LINGO2: variants seen among roughly 807,000 people sequenced by gnomAD.
LINGO2 encodes leucine-rich repeat and immunoglobulin-like domain-containing nogo receptor-interacting protein 2.
Under a neutral mutation model 30.6 loss-of-function variants are expected in LINGO2, and 14 were observed. That is an observed-to-expected ratio of 0.46 (90% CI 0.30 to 0.72). The LOEUF (loss-of-function observed/expected upper bound fraction) is 0.72, where lower values mean the gene tolerates loss of function less well. Ranked by LOEUF, LINGO2 falls within the 30% of genes least tolerant of loss-of-function variation. The pLI is 0.07. For missense variants in LINGO2, 729 were observed against 751.7 expected, an observed-to-expected ratio of 0.97 and a Z score of 0.35; for synonymous variants, 317 against 288.5, an observed-to-expected ratio of 1.10 and a Z score of -1.00.
the LINGO2 span, among the ~76,000 whole-genome samples, chr9:29,021,681 A>AAAGGAAGGAAGGAAGGAAGGAAGG: frequency 1.4e-4 from 13 of 93,642 alleles, no homozygotes; most frequent in African/African-American, 2.7e-4. Flanking sequence ...GAAAGAAAAG[A>AAAGGAAGGAAGGAAGGAAGGAAGG]AAGGAAGGAA....
intron 4 of LINGO2, among the ~76,000 whole-genome samples, chr9:28,067,247 C>A (rs954635859): frequency 3.3e-5 from 5 of 151,954 alleles, no homozygotes; most frequent in Non-Finnish European, 7.4e-5. Context: ...TAAGAAGACA[C>A]CCATTAACAA....
intron 4 of LINGO2, chr9:28,149,324 G>A: frequency 1.8e-6 from 1 of 541,670 alleles, no homozygotes; most frequent in East Asian, 3.2e-5. Flanking sequence ...CATCTGGGAA[G>A]TGAGGAGCGC....
intron 4 of LINGO2, among the ~76,000 whole-genome samples, chr9:28,074,571 A>G (rs1215062668): frequency 6.6e-6 from 1 of 152,160 alleles, no homozygotes; most frequent in East Asian, 1.9e-4. Context: ...CATATACCAG[A>G]GGAAGTACAT....
chr9:28,318,898 T>C (rs573748930), intron 3 of LINGO2, among the ~76,000 whole-genome samples: 1 of 152,310 alleles, frequency 6.6e-6, no homozygotes, highest in Admixed American at 6.5e-5. Context: ...ATAATCTTTA[T>C]TGTTTCCCAC....
At chr9:28,573,160 G>T (rs1238965299) in intron 1 of LINGO2, among the ~76,000 whole-genome samples, 1 of 152,096 alleles carries the variant, frequency 6.6e-6, no homozygotes, top group African/African-American at 2.4e-5. Flanking sequence ...AAAGCTGAAG[G>T]CAATCTTGAA....
chr9:28,004,181 G>A (rs868786371), intron 5 of LINGO2, among the ~76,000 whole-genome samples: 12 of 152,224 alleles, frequency 7.9e-5, no homozygotes, highest in Middle Eastern at 3.4e-3. Flanking sequence ...TAAAAATGAA[G>A]TATCGACCTA....
intron 3 of LINGO2, among the ~76,000 whole-genome samples, chr9:28,328,945 C>A (rs1211477480): frequency 1.3e-5 from 2 of 151,982 alleles, no homozygotes; most frequent in Non-Finnish European, 2.9e-5. Flanking sequence ...TGCCATTTGA[C>A]AAAAAAATAA....
chr9:28,910,946 T>A, the LINGO2 span, among the ~76,000 whole-genome samples: 1 of 152,074 alleles, frequency 6.6e-6, no homozygotes, highest in African/African-American at 2.4e-5. Context: ...TCAGATTATA[T>A]GAATATGGTT....
chr9:28,064,489 C>A (rs1825252667), intron 4 of LINGO2, among the ~76,000 whole-genome samples: 1 of 152,130 alleles, frequency 6.6e-6, no homozygotes, highest in African/African-American at 2.4e-5. Flanking sequence ...AGAGGCAACA[C>A]TGGTGGTGAG....
the LINGO2 span, among the ~76,000 whole-genome samples, chr9:28,808,704 T>C: frequency 1.3e-5 from 2 of 152,220 alleles, no homozygotes; most frequent in Non-Finnish European, 2.9e-5. Flanking sequence ...TTAGCAATAA[T>C]GACCAGACAT....
chr9:28,394,148 A>T (rs1263631329), intron 2 of LINGO2, among the ~76,000 whole-genome samples: 2 of 152,180 alleles, frequency 1.3e-5, no homozygotes, highest in African/African-American at 4.8e-5. Context: ...AAGGGTAGCC[A>T]GTCAGTGCTC....
At chr9:28,980,491 C>A in the LINGO2 span, among the ~76,000 whole-genome samples, 1 of 152,108 alleles carries the variant, frequency 6.6e-6, no homozygotes, top group South Asian at 2.1e-4. Flanking sequence ...TCCACGACGT[C>A]TCTGGAGAAG....
At chr9:28,412,185 GAAA>G (rs59158472) in intron 2 of LINGO2, among the ~76,000 whole-genome samples, 59 of 120,606 alleles carry the variant, frequency 4.9e-4, no homozygotes, top group East Asian at 2.0e-3. Context: ...ACTTGTAAGT[GAAA>G]AAAAAAAAAA....
At chr9:28,945,054 T>C in the LINGO2 span, among the ~76,000 whole-genome samples, 2 of 152,138 alleles carry the variant, frequency 1.3e-5, no homozygotes, top group African/African-American at 4.8e-5. Flanking sequence ...GTGGCTGTCA[T>C]AAAACAAAAC....
In LINGO2 at chr9:28,568,245, G is replaced by T. The variant is rs527919310; in HGVS notation, c.-364-92220C>A. Among the ~76,000 whole-genome samples the T allele has an allele frequency of 3.3e-5, 5 of 152,136 alleles. No homozygotes were observed. The East Asian group carries it at 9.6e-4, about 29-fold the overall frequency. On this transcript the variant is annotated intron_variant, in intron 1 of 5. Coordinates refer to ENST00000379992, the Ensembl canonical transcript of LINGO2. ...AAAGAGAAAAAAACAAATACCATAT[G>T]TTCTCACTTACAAGTGGGAGCTCAC...
At chr9:28,726,037 G>C in the LINGO2 span, among the ~76,000 whole-genome samples, 1 of 151,974 alleles carries the variant, frequency 6.6e-6, no homozygotes, top group South Asian at 2.1e-4. Flanking sequence ...TTTCATTCTA[G>C]TTTCATATGT....
intron 4 of LINGO2, among the ~76,000 whole-genome samples, chr9:28,072,861 A>C (rs917433021): frequency 1.3e-5 from 2 of 152,016 alleles, no homozygotes; most frequent in East Asian, 3.9e-4. Flanking sequence ...AGCGGTACTC[A>C]TGGTGCTTTT....
At chr9:28,144,580 T>A (rs1827761200) in intron 4 of LINGO2, among the ~76,000 whole-genome samples, 1 of 152,220 alleles carries the variant, frequency 6.6e-6, no homozygotes, top group Non-Finnish European at 1.5e-5. Context: ...GGAAAATAAC[T>A]GGTATACTTG....
At chr9:28,782,918 T>C in the LINGO2 span, among the ~76,000 whole-genome samples, 1 of 152,210 alleles carries the variant, frequency 6.6e-6, no homozygotes, top group East Asian at 1.9e-4. Context: ...CTATATGGTA[T>C]AGCCTGTTGC....
Sources: gnomAD v4.1 joint callset for allele counts (sites outside exome capture counted in the v4.1 genomes callset) on GRCh38, gnomAD v4.1.1 for gene constraint, MANE v1.5 for transcripts, NCBI Gene and HGNC (gene_info 2026-07-23, HGNC 2026-07-21) for gene names.